Variants in OAT observed in about 807,000 individuals in gnomAD.
The protein encoded by OAT is ornithine aminotransferase.
In OAT, 35 loss-of-function variants were observed where a neutral mutation model predicts 48.4. The observed-to-expected ratio is 0.72, with a 90% CI of 0.55 to 0.96. The LOEUF is 0.96. Ranked by LOEUF, OAT falls within the 40% of genes least tolerant of loss-of-function variation. OAT has a pLI of 0.00. For missense variants in OAT, 438 were observed against 537.9 expected (o/e 0.81, Z 1.84); for synonymous variants, 182 against 198.4 (o/e 0.92, Z 0.70).
rs1764808160 is a variant in OAT, at chr10:124,397,747, A to G, written c.*195T>C. The G allele has an allele frequency of 1.7e-6, 1 of 592,510 alleles. No homozygotes were observed. Among genetic ancestry groups the G allele is most frequent in the Non-Finnish European group, 3.0e-6 (1 of 337,618 alleles). The allele number at this position is 592,510 out of a possible 1,614,324, so 36.7% of individuals were successfully genotyped here. A position where few individuals can be genotyped will look rare whatever the true frequency, so the allele number is the denominator to read the frequency against. ...AACTGAATATAGATGCCATTACATT[A>G]TTTAGTTACGTTACAAAGCAAACGG... On this transcript the variant is annotated 3_prime_UTR_variant, in exon 10 of 10. Transcript: ENST00000368845.
At chr10:124,414,258 A>C (rs1951847164) in intron 1 of OAT, 1 of 152,234 alleles carries the variant, frequency 6.6e-6, no homozygotes. Context: ...ACTTCCCTTT[A>C]AACTTGGCAC....
At chr10:124,407,243 C>T in intron 4 of OAT, 1 of 985,432 alleles carries the variant, frequency 1.0e-6, no homozygotes, top group Non-Finnish European at 1.2e-6. Context: ...TTTGCTCTCC[C>T]CTGCCTAGCC....
intron 1 of OAT, among the ~76,000 whole-genome samples, chr10:124,413,408 A>C (rs1221095796): frequency 6.6e-6 from 1 of 152,152 alleles, no homozygotes; most frequent in Non-Finnish European, 1.5e-5. Flanking sequence ...ATTGTTGACC[A>C]GGTGCGGTGA....
intron 1 of OAT, among the ~76,000 whole-genome samples, chr10:124,412,634 A>G (rs1314446425): frequency 6.6e-6 from 1 of 151,914 alleles, no homozygotes; most frequent in Non-Finnish European, 1.5e-5. Context: ...AGTCTCTATA[A>G]AAGAAAAAAA....
chr10:124,417,314 G>T (rs1250103083), intron 1 of OAT, among the ~76,000 whole-genome samples: 3 of 129,818 alleles, frequency 2.3e-5, no homozygotes, highest in African/African-American at 9.2e-5. Context: ...TTTTCGAGAC[G>T]GAGTCTGTCG....
intron 4 of OAT, 51 bp from the exon 5 acceptor site, chr10:124,405,614 T>C (rs1001046920): frequency 1.2e-6 from 2 of 1,607,432 alleles, no homozygotes; most frequent in Admixed American, 1.7e-5. Flanking sequence ...CAAAATTCAA[T>C]AAGCACTATC....
At chr10:124,415,424 T>C (rs1259755526) in intron 1 of OAT, among the ~76,000 whole-genome samples, 1 of 152,128 alleles carries the variant, frequency 6.6e-6, no homozygotes, top group African/African-American at 2.4e-5. Context: ...CACCCCTGAG[T>C]CAGCTATTCT....
rs778411980 is a variant in OAT, at chr10:124,397,785, C to T, written c.*157G>A. ...ACAAAGCAAACGGCAGGTTCATAAA[C>T]GTTGTTCTATTATGTATCAACTGAA... On this transcript the variant is annotated 3_prime_UTR_variant, in exon 10 of 10. Transcript: ENST00000368845. 8.4e-6 allele frequency: 6 copies of T among 716,246 alleles called. No homozygotes were observed. The highest frequency in any genetic ancestry group is 2.3e-6 in the Non-Finnish European group (1 of 426,196). 44.4% of individuals were successfully genotyped at this position (716,246 alleles called of 1,614,324 possible).
intron 4 of OAT, chr10:124,405,825 C>T (rs1328749985): frequency 7.9e-7 from 1 of 1,264,840 alleles, no homozygotes; most frequent in East Asian, 4.2e-5. Context: ...GAATATATAG[C>T]CCCTGAAGAT....
chr10:124,416,787 A>G (rs28637283), intron 1 of OAT, among the ~76,000 whole-genome samples: 9,732 of 152,114 alleles, frequency 0.064, 435 homozygotes, highest in Non-Finnish European at 0.084. Flanking sequence ...AAAATATTCA[A>G]CTTGAGGAGT....
In OAT at chr10:124,397,956, T is replaced by C. The variant is rs745481744; in HGVS notation, c.1306A>G (p.Ile436Val). Residue 436 changes from isoleucine to valine, a missense_variant, in exon 10 of 10, where the codon ATC (isoleucine) becomes GTC (valine). Transcript: ENST00000368845. ...GCTGGCTACCCTCAGAAAGACAAGA[T>C]GGTCTTGTTAATAATTTCAATGGAC... ...RESIEIINKT[I>V]LSF 1.9e-6 allele frequency: 3 copies of C among 1,613,724 alleles called. No homozygotes were observed. Among genetic ancestry groups the C allele is most frequent in the Non-Finnish European group, 1.7e-6 (2 of 1,179,832 alleles).
Position 124,397,587 on chromosome 10 carries a change from T to C in OAT, c.*355A>G, listed in dbSNP as rs1413945172. 1 of 201,434 alleles carries C rather than the reference T, an allele frequency of 5.0e-6. No individual in the cohort carries two copies. Among genetic ancestry groups the C allele is most frequent in the Non-Finnish European group, 1.0e-5 (1 of 97,684 alleles). The allele number at this position is 201,434 out of a possible 1,614,324, so 12.5% of individuals were successfully genotyped here. A position where few individuals can be genotyped will look rare whatever the true frequency, so the allele number is the denominator to read the frequency against. ...TATGCAATACCCAGAGATAACTTTT[T>C]CAAATATGAAACACTTATACCAGTG... On this transcript the variant is annotated 3_prime_UTR_variant, in exon 10 of 10. Transcript: ENST00000368845.
At chr10:124,416,448 A>G (rs1004789617) in intron 1 of OAT, among the ~76,000 whole-genome samples, 5 of 152,202 alleles carry the variant, frequency 3.3e-5, no homozygotes, top group African/African-American at 1.2e-4. Flanking sequence ...AGTTTACTTC[A>G]TTAGATCTAA....
At chr10:124,405,772 AATTCCT>A (rs1460391992) in intron 4 of OAT, 25 of 1,358,542 alleles carry the variant, frequency 1.8e-5, no homozygotes, top group Non-Finnish European at 2.3e-5. Context: ...CTGGCCTTGT[AATTCCT>A]ATTTTAGGCA....
In OAT at chr10:124,406,802, CAA is replaced by C. The variant is rs58613966; in HGVS notation, c.521-1241_521-1240del. The C allele has an allele frequency of 2.6e-3, 411 of 155,836 alleles. 1 individual carries two copies. Among genetic ancestry groups the C allele is most frequent in the Non-Finnish European group, 4.1e-3 (358 of 87,936 alleles). The allele number at this position is 155,836 out of a possible 1,614,324, so 9.7% of individuals were successfully genotyped here. A position where few individuals can be genotyped will look rare whatever the true frequency, so the allele number is the denominator to read the frequency against. On this transcript the variant is annotated intron_variant, in intron 4 of 9. Transcript: ENST00000368845. The stretch of plus-strand genomic sequence containing the variant: ...AGGTGACAAGAGTGAAACTCTGTCT[CAA>C]AAAAAAAAAAAAAAAAAGTTGGGAA...
At chr10:124,405,051 G>A (rs1200835320) in intron 5 of OAT, among the ~76,000 whole-genome samples, 1 of 152,102 alleles carries the variant, frequency 6.6e-6, no homozygotes, top group Non-Finnish European at 1.5e-5. Context: ...CTCAAAAAAA[G>A]AAATTAATTA....
rs757483886 is a variant in OAT at position 124,400,946 on chromosome 10, T to C, written c.1053A>G (p.Lys351=). ...EEENLAENAD[K]LGIILRNELM... is the part of the protein sequence containing the mutation. The stretch of plus-strand genomic sequence containing the variant: ...GTTCATTTCTCAAGATAATGCCCAA[T>C]TTGTCTGCATTTTCAGCAAGGTTTT... Residue 351 remains lysine, a synonymous_variant, in exon 9 of 10, where the codon AAA becomes AAG. Coordinates refer to ENST00000368845, the MANE Select transcript of OAT (RefSeq NM_000274.4). 1.9e-6 allele frequency: 3 copies of C among 1,611,406 alleles called. No individual in the cohort carries two copies. In the South Asian group the frequency reaches 3.3e-5, roughly 18 times the overall value.
intron 1 of OAT, among the ~76,000 whole-genome samples, chr10:124,415,987 C>T (rs1228864785): frequency 1.3e-5 from 2 of 152,116 alleles, no homozygotes; most frequent in East Asian, 3.8e-4. Flanking sequence ...AAAACACAGA[C>T]AAGAAAATTA....
chr10:124,415,379 C>T (rs960834809), intron 1 of OAT, among the ~76,000 whole-genome samples: 9 of 152,144 alleles, frequency 5.9e-5, no homozygotes, highest in African/African-American at 2.2e-4. Flanking sequence ...GATCCTTCTG[C>T]CTCAGCCTCA....
Sources: gnomAD v4.1 joint callset for allele counts (sites outside exome capture counted in the v4.1 genomes callset) on GRCh38, gnomAD v4.1.1 for gene constraint, MANE v1.5 for transcripts, NCBI Gene and HGNC (gene_info 2026-07-23, HGNC 2026-07-21) for gene names.